NAA60: variants seen among roughly 807,000 people sequenced by gnomAD.
NAA60 encodes the protein N-alpha-acetyltransferase 60.
In NAA60, 8 loss-of-function variants were observed where a neutral mutation model predicts 26.1. The observed-to-expected ratio is 0.31, with a 90% CI of 0.18 to 0.55. The LOEUF (loss-of-function observed/expected upper bound fraction) is 0.55, where lower values mean the gene tolerates loss of function less well. Among genes scored for constraint, NAA60 ranks in the 20% least tolerant of loss-of-function variants. The probability of loss-of-function intolerance (pLI) is 0.93; values close to 1 mark genes in which losing one functional copy is unlikely to be tolerated. For synonymous variants in NAA60, 131 were observed against 122.5 expected (o/e 1.07, Z -0.46); for missense variants, 290 against 311.3 (o/e 0.93, Z 0.51).
At chr16:3,450,719 A>G (rs879756894) in intron 2 of NAA60, among the ~76,000 whole-genome samples, 3 of 149,372 alleles carry the variant, frequency 2.0e-5, no homozygotes, top group Admixed American at 6.6e-5. Flanking sequence ...AAAAAAAAAA[A>G]AAAAAGAAAG....
intron 1 of NAA60, 151 bp downstream of exon 1, chr16:3,443,988 C>G: frequency 7.4e-7 from 1 of 1,347,412 alleles, no homozygotes; most frequent in East Asian, 2.8e-5. Context: ...GAAGGAGTAT[C>G]TTTGTGTACG....
chr16:3,484,072 C>T (rs2037020237), intron 6 of NAA60, among the ~76,000 whole-genome samples: 1 of 152,200 alleles, frequency 6.6e-6, no homozygotes, highest in South Asian at 2.1e-4. Context: ...AAGGTATGCC[C>T]TTCCCTGCTT....
At chr16:3,473,148 A>G (rs1315974087) in intron 2 of NAA60, among the ~76,000 whole-genome samples, 1 of 151,524 alleles carries the variant, frequency 6.6e-6, no homozygotes, top group African/African-American at 2.4e-5. Context: ...CGATTCTTGA[A>G]CCTCAGCCTC....
In NAA60 at chr16:3,486,448, AG is replaced by A. The variant is rs1056286711; in HGVS notation, c.*1191del. ...AACAACCCTGGGCAGACGGGGCCTCAGGGACCTGTGTCCTTCCGCCTCCAGA... is the reference window on the plus strand; with the variant it reads ...AACAACCCTGGGCAGACGGGGCCTCAGGACCTGTGTCCTTCCGCCTCCAGA... On this transcript the variant is annotated 3_prime_UTR_variant, in exon 8 of 8. Coordinates refer to ENST00000407558, the MANE Select transcript of NAA60 (RefSeq NM_001083601.3). 12 of 152,452 alleles carry A rather than the reference AG, an allele frequency of 7.9e-5. No homozygotes were observed. The highest frequency in any genetic ancestry group is 2.2e-4 in the African/African-American group (9 of 41,538). 9.4% of individuals were successfully genotyped at this position (152,452 alleles called of 1,614,324 possible).
At chr16:3,473,691 T>C (rs1209617103) in intron 2 of NAA60, among the ~76,000 whole-genome samples, 1 of 150,924 alleles carries the variant, frequency 6.6e-6, no homozygotes, top group Non-Finnish European at 1.5e-5. Context: ...CGAGCCACCA[T>C]GCTTGGCCCC....
At chr16:3,478,984 C>G (rs746654878) in intron 3 of NAA60, among the ~76,000 whole-genome samples, 13 of 152,038 alleles carry the variant, frequency 8.6e-5, no homozygotes, top group Non-Finnish European at 1.9e-4. Flanking sequence ...ACCTGTAATC[C>G]CAGTACTTTG....
Position 3,452,174 on chromosome 16 carries a change from C to G in NAA60, c.-7+3634C>G, listed in dbSNP as rs551884398. Among the ~76,000 whole-genome samples the G allele has an allele frequency of 3.9e-5, 6 of 152,174 alleles. No individual in the cohort carries two copies. In the South Asian group the frequency reaches 1.0e-3, roughly 26 times the overall value. On this transcript the variant is annotated intron_variant, in intron 2 of 7. Transcript: ENST00000407558. ...GCTGCAGTAAGCCGTGATCACGCCACTTTACTCCAACTTGGATGACAGAGT... is the reference window on the plus strand; with the variant it reads ...GCTGCAGTAAGCCGTGATCACGCCAGTTTACTCCAACTTGGATGACAGAGT...
intron 2 of NAA60, chr16:3,457,916 CA>C (rs1207305953): frequency 9.8e-6 from 4 of 406,390 alleles, no homozygotes; most frequent in Non-Finnish European, 1.1e-5. Flanking sequence ...TGCCCGCTCC[CA>C]ACCTGCCCGC....
chr16:3,464,703 G>C (rs907996660), intron 2 of NAA60, among the ~76,000 whole-genome samples: 3 of 152,146 alleles, frequency 2.0e-5, no homozygotes, highest in East Asian at 1.9e-4. Context: ...CCCAAACCTG[G>C]TATTATTTAC....
At chr16:3,458,065 C>T (rs2150957778) in intron 2 of NAA60, 20 of 985,326 alleles carry the variant, frequency 2.0e-5, no homozygotes, top group Non-Finnish European at 2.4e-5. Context: ...CGGCTGCGGC[C>T]CCTGCCGGTT....
At chr16:3,471,419 C>T (rs193293036) in intron 2 of NAA60, among the ~76,000 whole-genome samples, 20 of 152,194 alleles carry the variant, frequency 1.3e-4, no homozygotes, top group Admixed American at 4.6e-4. Flanking sequence ...AGGAGAATGG[C>T]GTGAACCCGG....
intron 2 of NAA60, among the ~76,000 whole-genome samples, chr16:3,454,917 A>G (rs777988548): frequency 1.8e-4 from 27 of 152,246 alleles, no homozygotes; most frequent in Non-Finnish European, 3.4e-4. Flanking sequence ...ATAACCTTGA[A>G]TATCTCCTGT....
At chr16:3,445,329 A>C (rs1340252989) in intron 1 of NAA60, among the ~76,000 whole-genome samples, 1 of 143,788 alleles carries the variant, frequency 7.0e-6, no homozygotes, top group Non-Finnish European at 1.5e-5. Flanking sequence ...ACTGGGGTGC[A>C]GTGGCACAAT....
chr16:3,455,726 T>G (rs2034963918), intron 2 of NAA60, among the ~76,000 whole-genome samples: 1 of 148,606 alleles, frequency 6.7e-6, no homozygotes, highest in Non-Finnish European at 1.5e-5. Context: ...TTGTTTTGTT[T>G]TGAGAAGGAG....
At chr16:3,469,420 C>T (rs887272425) in intron 2 of NAA60, among the ~76,000 whole-genome samples, 1 of 143,798 alleles carries the variant, frequency 7.0e-6, no homozygotes, top group South Asian at 2.2e-4. Context: ...TTGCTGCTCC[C>T]CCCAGCACTG....
At chr16:3,480,576 GACAA>G (rs2036763463) in intron 4 of NAA60, among the ~76,000 whole-genome samples, 2 of 150,338 alleles carry the variant, frequency 1.3e-5, no homozygotes, top group African/African-American at 4.9e-5. Flanking sequence ...CAGCCCGAGG[GACAA>G]AAGCAAGACT....
chr16:3,457,701 A>T (rs1470193492), intron 2 of NAA60, among the ~76,000 whole-genome samples: 1 of 152,182 alleles, frequency 6.6e-6, no homozygotes, highest in Admixed American at 6.5e-5. Context: ...TGCGCCTGCC[A>T]GGGCCTGTGC....
At chr16:3,478,427 G>A (rs567565414) in intron 3 of NAA60, among the ~76,000 whole-genome samples, 8 of 152,146 alleles carry the variant, frequency 5.3e-5, no homozygotes, top group African/African-American at 9.7e-5. Context: ...TGCAGTTCTC[G>A]TGGGCCTAAG....
chr16:3,444,397 G>T (rs987667731), intron 1 of NAA60, among the ~76,000 whole-genome samples: 26 of 151,986 alleles, frequency 1.7e-4, no homozygotes, highest in African/African-American at 6.0e-4. Context: ...TAATTTCAAA[G>T]ATTATAAGAT....
Sources: allele counts gnomAD v4.1 joint callset (sites outside exome capture counted in the v4.1 genomes callset), GRCh38; gene constraint gnomAD v4.1.1; transcripts MANE v1.5; gene names NCBI Gene and HGNC (gene_info 2026-07-23, HGNC 2026-07-21).